PDE10A: variants seen among roughly 807,000 people sequenced by gnomAD.
PDE10A encodes the protein phosphodiesterase 10A.
A neutral mutation model predicts 97.7 loss-of-function variants in PDE10A; 39 were observed. That is an observed-to-expected ratio of 0.40 (90% confidence interval 0.31 to 0.52). The LOEUF (loss-of-function observed/expected upper bound fraction) is 0.52. Ranked by LOEUF, PDE10A falls within the 20% of genes least tolerant of loss-of-function variation. PDE10A has a pLI of 0.56. For missense variants in PDE10A, 731 were observed against 1,047.8 expected, an observed-to-expected ratio of 0.70 and a Z score of 4.17; for synonymous variants, 371 against 376.8, an observed-to-expected ratio of 0.98 and a Z score of 0.18.
intron 18 of PDE10A, among the ~76,000 whole-genome samples, chr6:165,345,065 C>A (rs370937790): frequency 6.6e-6 from 1 of 151,526 alleles, no homozygotes; most frequent in Non-Finnish European, 1.5e-5. Flanking sequence ...AAACACAAAT[C>A]GAATGTGAAA....
Position 165,671,640 on chromosome 6 carries a change from G to A in PDE10A, c.-614-128072C>T, listed in dbSNP as rs562431880. 2.6e-4 allele frequency among the ~76,000 whole-genome samples: 39 copies of A among 152,186 alleles called. No individual in the cohort carries two copies. The highest frequency in any genetic ancestry group is 7.7e-4 in the African/African-American group (32 of 41,522). Reference sequence around the variant, plus strand: ...GCTTTAATAGCTAGGATTTAGGCTCGTTTTATAGATTTCACACACATGGAT... The same window carrying A: ...GCTTTAATAGCTAGGATTTAGGCTCATTTTATAGATTTCACACACATGGAT... On this transcript the variant is annotated intron_variant, in intron 1 of 19. Coordinates refer to the PDE10A transcript ENST00000366882. This position sits in a 1 kb window ranked among gnomAD's most constrained non-coding sequence, Gnocchi z 4.6.
intron 13 of PDE10A, among the ~76,000 whole-genome samples, chr6:165,402,037 T>C (rs1217232254): frequency 6.6e-6 from 1 of 152,184 alleles, no homozygotes. Flanking sequence ...TAAGAGTAAC[T>C]ATACTAGGCA....
intron 1 of PDE10A, among the ~76,000 whole-genome samples, chr6:165,811,780 G>A (rs541107505): frequency 5.1e-4 from 78 of 152,254 alleles, no homozygotes; most frequent in Non-Finnish European, 7.5e-4. Flanking sequence ...CACCACTTCC[G>A]TTGACTCATT....
At chr6:165,631,665 A>G (rs3008035) in intron 1 of PDE10A, among the ~76,000 whole-genome samples, 44,686 of 152,136 alleles carry the variant, frequency 0.29, 6,785 homozygotes, top group Middle Eastern at 0.45. Flanking sequence ...AAATGGATAA[A>G]TAACATCATT....
At chr6:165,823,508 A>ATGAACCTTAAT (rs1206132698) in intron 1 of PDE10A, among the ~76,000 whole-genome samples, 3 of 87,278 alleles carry the variant, frequency 3.4e-5, no homozygotes, top group Non-Finnish European at 8.5e-5. Context: ...ATATATATAT[A>ATGAACCTTAAT]TATATATATA....
In PDE10A at chr6:165,388,642, AT is replaced by A. The variant is rs1331720629; in HGVS notation, c.2455-190del. On this transcript the variant is annotated intron_variant, in intron 16 of 21. Transcript: ENST00000539869. The surrounding 1 kb of genome is among the most constrained non-coding windows in gnomAD (Gnocchi z 4.0). Reference sequence around the variant, plus strand: ...TTGGAAATTCCAGATAATCTAACTCATTTGTAGGCCCTTTCTTTGTTTCTCT... The same window carrying A: ...TTGGAAATTCCAGATAATCTAACTCATTGTAGGCCCTTTCTTTGTTTCTCT... Among the ~76,000 whole-genome samples, 28 of 152,176 alleles carry A rather than the reference AT, an allele frequency of 1.8e-4. No individual in the cohort carries two copies. The highest frequency in any genetic ancestry group is 6.5e-4 in the Admixed American group (10 of 15,282).
rs1171362653 is a variant in PDE10A at position 165,687,319 on chromosome 6, A to G, written c.-614-143751T>C. On this transcript the variant is annotated intron_variant, in intron 1 of 19. Coordinates refer to the PDE10A transcript ENST00000366882. ...GGAAGGTTTCTTAACTAGGGAATCA[A>G]TGTTATCAAAGGGAAGGAAGCTACA... Among the ~76,000 whole-genome samples the G allele has an allele frequency of 3.3e-5, 5 of 152,328 alleles. No homozygotes were observed. The East Asian group carries it at 9.7e-4, about 29-fold the overall frequency.
At chr6:165,544,915 C>A (rs1024123116) in intron 1 of PDE10A, among the ~76,000 whole-genome samples, 2 of 151,822 alleles carry the variant, frequency 1.3e-5, no homozygotes, top group Non-Finnish European at 2.9e-5. Context: ...TGCAAAAGAG[C>A]CCCAGTGGTG....
At chr6:165,458,540 G>A (rs1562485833) in intron 3 of PDE10A, among the ~76,000 whole-genome samples, 3 of 152,088 alleles carry the variant, frequency 2.0e-5, no homozygotes, top group Non-Finnish European at 2.9e-5. Context: ...ACCAGTCTAT[G>A]GGACTTTGTG....
At chr6:165,707,055 GC>G (rs1481857592) in intron 1 of PDE10A, among the ~76,000 whole-genome samples, 2 of 152,218 alleles carry the variant, frequency 1.3e-5, no homozygotes, top group Non-Finnish European at 2.9e-5. Context: ...TAAGTCGATT[GC>G]TTAAAACACA....
intron 5 of PDE10A, among the ~76,000 whole-genome samples, chr6:165,441,381 A>G (rs1025021262): frequency 2.6e-5 from 4 of 152,214 alleles, no homozygotes; most frequent in African/African-American, 9.7e-5. Flanking sequence ...TTGTATGCTC[A>G]GCAATTTAGC....
intron 1 of PDE10A, among the ~76,000 whole-genome samples, chr6:165,839,685 C>T (rs1230858379): frequency 6.7e-6 from 1 of 149,164 alleles, no homozygotes; most frequent in Non-Finnish European, 1.5e-5. Context: ...ATGTCCGTGT[C>T]CATCTCCATC....
At position 165,413,766 on chromosome 6, in the gene PDE10A, C is replaced by A. The variant is rs1788083339; in HGVS notation, c.1890-79G>T. 4.3e-6 allele frequency: 5 copies of A among 1,171,998 alleles called. No individual in the cohort carries two copies. The South Asian group carries it at 7.4e-5, about 17-fold the overall frequency. The allele number at this position is 1,171,998 out of a possible 1,614,324, so 72.6% of individuals were successfully genotyped here. ...AAAGGACACAGTCAGTCATAAATCT[C>A]CCCTCAATCTTTGCAATTTACATAT... On this transcript the variant is annotated intron_variant, in intron 12 of 21. Transcript: ENST00000539869.
At chr6:165,903,842 G>A (rs914793280) in intron 1 of PDE10A, among the ~76,000 whole-genome samples, 1 of 152,216 alleles carries the variant, frequency 6.6e-6, no homozygotes, top group Non-Finnish European at 1.5e-5. Context: ...CAAGGGAAGA[G>A]GGTGACTTAA....
At chr6:165,640,353 A>G (rs765557307) in intron 1 of PDE10A, among the ~76,000 whole-genome samples, 1 of 152,220 alleles carries the variant, frequency 6.6e-6, no homozygotes, top group Admixed American at 6.5e-5. Flanking sequence ...TACATTATTT[A>G]TTCAGCAAAC....
At chr6:165,832,814 A>G (rs1266707737) in intron 1 of PDE10A, among the ~76,000 whole-genome samples, 4 of 152,180 alleles carry the variant, frequency 2.6e-5, no homozygotes, top group Non-Finnish European at 5.9e-5. Context: ...TGTGTTGGAG[A>G]CATTTTGTGG....
chr6:165,797,041 C>T (rs1370781734), intron 1 of PDE10A, among the ~76,000 whole-genome samples: 1 of 152,158 alleles, frequency 6.6e-6, no homozygotes, highest in Admixed American at 6.5e-5. Flanking sequence ...GGAGTCTTAC[C>T]AATAATTGTA....
intron 1 of PDE10A, among the ~76,000 whole-genome samples, chr6:165,718,826 A>T (rs1463189129): frequency 2.0e-5 from 3 of 152,250 alleles, no homozygotes; most frequent in Admixed American, 2.0e-4. Flanking sequence ...CAAGATAACC[A>T]AGGAAAGCTT....
chr6:165,674,359 G>C (rs1305461603), intron 1 of PDE10A, among the ~76,000 whole-genome samples: 4 of 151,584 alleles, frequency 2.6e-5, no homozygotes, highest in Admixed American at 2.0e-4. Flanking sequence ...GGTTCTGTCA[G>C]TCAGAATAGA....
Sources: allele counts gnomAD v4.1 joint callset (sites outside exome capture counted in the v4.1 genomes callset), GRCh38; gene constraint gnomAD v4.1.1; non-coding constraint Gnocchi (gnomAD v3.1); transcripts MANE v1.5; gene names NCBI Gene and HGNC (gene_info 2026-07-23, HGNC 2026-07-21).